Variants in SUGT1 observed in about 807,000 individuals in gnomAD.
SUGT1 encodes SGT1 assembly cochaperone of MIS12 kinetochore complex.
A neutral mutation model predicts 56.1 loss-of-function variants in SUGT1; 15 were observed. The observed-to-expected ratio is 0.27, with a 90% confidence interval of 0.18 to 0.41. The LOEUF (loss-of-function observed/expected upper bound fraction) is 0.41, where lower values mean the gene tolerates loss of function less well. Among genes scored for constraint, SUGT1 ranks in the 10% least tolerant of loss-of-function variants. The pLI is 1.00. For synonymous variants in SUGT1, 123 were observed against 128.6 expected (o/e 0.96, Z 0.30); for missense variants, 347 against 382.2 (o/e 0.91, Z 0.77).
intron 10 of SUGT1, among the ~76,000 whole-genome samples, chr13:52,669,352 A>C (rs1020810614): frequency 1.3e-5 from 2 of 152,200 alleles, no homozygotes; most frequent in African/African-American, 4.8e-5. Context: ...TATTTGCTAA[A>C]CTTGGCAGCC....
chr13:52,652,998 C>T (rs934702534), intron 1 of SUGT1, 40 bp downstream of exon 1: 2 of 1,614,198 alleles, frequency 1.2e-6, no homozygotes, highest in African/African-American at 1.3e-5. Flanking sequence ...ATTTTATCCC[C>T]CTTTCCTTGG....
At chr13:52,659,822 T>A (rs1185071916) in intron 5 of SUGT1, among the ~76,000 whole-genome samples, 113 of 35,662 alleles carry the variant, frequency 3.2e-3, no homozygotes, top group East Asian at 0.01. Flanking sequence ...ATATTTTTTT[T>A]TTTTTTTTTT....
intron 10 of SUGT1, among the ~76,000 whole-genome samples, chr13:52,670,568 A>G (rs1962890329): frequency 6.6e-6 from 1 of 152,198 alleles, no homozygotes; most frequent in Non-Finnish European, 1.5e-5. Flanking sequence ...ACACTTTGGT[A>G]GGCCAAGGCG....
Position 52,692,514 on chromosome 13 carries a change from A to G in SUGT1, c.*4679A>G, listed in dbSNP as rs1319020400. 2 of 151,470 alleles carry G rather than the reference A, an allele frequency of 1.3e-5. No individual in the cohort carries two copies. Among genetic ancestry groups the G allele is most frequent in the Admixed American group, 6.6e-5 (1 of 15,154 alleles). The allele number at this position is 151,470 out of a possible 1,614,324, so 9.4% of individuals were successfully genotyped here. On this transcript the variant is annotated 3_prime_UTR_variant, in exon 13 of 13. Coordinates refer to ENST00000310528, the MANE Select transcript of SUGT1 (RefSeq NM_006704.5). ...CAACCTCCACCTCCCAGGTTCAAGT[A>G]ATTCTTCTGCCTCAGCCTCCTGAGT...
At chr13:52,676,119 CTG>C (rs1354837835) in intron 10 of SUGT1, 109 bp from the exon 11 acceptor site, 1 of 690,524 alleles carries the variant, frequency 1.4e-6, no homozygotes, top group African/African-American at 1.8e-5. Context: ...TTTAAGGAAA[CTG>C]TCAAAGATAC....
intron 5 of SUGT1, among the ~76,000 whole-genome samples, chr13:52,660,100 A>G (rs986429688): frequency 6.6e-6 from 1 of 151,786 alleles, no homozygotes; most frequent in Admixed American, 6.6e-5. Flanking sequence ...AAGTGCTGGG[A>G]TTACAGGCAT....
intron 10 of SUGT1, among the ~76,000 whole-genome samples, chr13:52,667,828 A>G (rs1043668127): frequency 2.0e-5 from 3 of 152,206 alleles, no homozygotes; most frequent in East Asian, 1.9e-4. Context: ...CAAAATGACT[A>G]TAAGACTGAA....
At position 52,697,934 on chromosome 13, in the gene SUGT1, T is replaced by C. The variant is rs1030916419; in HGVS notation, c.*10099T>C. On this transcript the variant is annotated 3_prime_UTR_variant, in exon 13 of 13. Transcript: ENST00000310528. ...GCCCTCAGCCTGAATACTCAACTTA[T>C]GTCTGCCGTTTATTCCTTAACACAT... The C allele has an allele frequency of 2.0e-5, 3 of 152,238 alleles. No homozygotes were observed. Among genetic ancestry groups the C allele is most frequent in the Admixed American group, 6.5e-5 (1 of 15,290 alleles). 9.4% of individuals were successfully genotyped at this position (152,238 alleles called of 1,614,324 possible). A position where few individuals can be genotyped will look rare whatever the true frequency, so the allele number is the denominator to read the frequency against.
In SUGT1 at chr13:52,690,497, C is replaced by G. The variant is rs1387121700; in HGVS notation, c.*2662C>G. ...GTTTCCTTTCCCTTTTAAGGTTAGT[C>G]CTGGAATACATGTTTTTCTTGGTCT... On this transcript the variant is annotated 3_prime_UTR_variant, in exon 13 of 13. Coordinates refer to ENST00000310528, the MANE Select transcript of SUGT1 (RefSeq NM_006704.5). 6.6e-6 allele frequency: 1 copy of G among 152,102 alleles called. No individual in the cohort carries two copies. The highest frequency in any genetic ancestry group is 6.5e-5 in the Admixed American group (1 of 15,272). The allele number at this position is 152,102 out of a possible 1,614,324, so 9.4% of individuals were successfully genotyped here.
intron 4 of SUGT1, 120 bp downstream of exon 4, chr13:52,658,588 C>T (rs1962275908): frequency 1.2e-6 from 1 of 849,652 alleles, no homozygotes; most frequent in African/African-American, 1.7e-5. Context: ...CATTATATAG[C>T]AGAGATATGA....
intron 11 of SUGT1, among the ~76,000 whole-genome samples, chr13:52,677,778 A>G (rs1244080568): frequency 1.6e-4 from 2 of 12,498 alleles, no homozygotes; most frequent in East Asian, 0.012. Context: ...CTTTGCCGAC[A>G]TGAGTATCTA....
chr13:52,692,112 A>T lies in SUGT1; in HGVS notation c.*4277A>T, dbSNP rs1963797483. On this transcript the variant is annotated 3_prime_UTR_variant, in exon 13 of 13. Transcript: ENST00000310528. ...CAAATAGTGGTAGTTACTGTGTACT[A>T]GCATTTCTTATGGATTGGGTGGCAT... 1 of 152,220 alleles carries T rather than the reference A, an allele frequency of 6.6e-6. No homozygotes were observed. Among genetic ancestry groups the T allele is most frequent in the East Asian group, 1.9e-4 (1 of 5,190 alleles). 9.4% of individuals were successfully genotyped at this position (152,220 alleles called of 1,614,324 possible). A position where few individuals can be genotyped will look rare whatever the true frequency, so the allele number is the denominator to read the frequency against.
chr13:52,693,497 A>G lies in SUGT1; in HGVS notation c.*5662A>G, dbSNP rs149280669. The G allele has an allele frequency of 1.3e-5, 2 of 152,342 alleles. No individual in the cohort carries two copies. Among genetic ancestry groups the G allele is most frequent in the African/African-American group, 4.8e-5 (2 of 41,584 alleles). 9.4% of individuals were successfully genotyped at this position (152,342 alleles called of 1,614,324 possible). On this transcript the variant is annotated 3_prime_UTR_variant, in exon 13 of 13. Transcript: ENST00000310528. ...ACAGTATTGCATAGTGGTTAAATGC[A>G]TGGACTCTGAAGCCATCCTGTTTGG...
rs1287870009 is a variant in SUGT1 at position 52,666,975 on chromosome 13, G to A, written c.627+56G>A. 16 of 1,187,868 alleles carry A rather than the reference G, an allele frequency of 1.3e-5. No individual in the cohort carries two copies. The East Asian group carries it at 3.3e-4, about 25-fold the overall frequency. The allele number at this position is 1,187,868 out of a possible 1,614,324, so 73.6% of individuals were successfully genotyped here. A position where few individuals can be genotyped will look rare whatever the true frequency, so the allele number is the denominator to read the frequency against. On this transcript the variant is annotated intron_variant, in intron 10 of 12. Coordinates refer to ENST00000310528, the MANE Select transcript of SUGT1 (RefSeq NM_006704.5). ...ATATTTTCAAAATTATAGAAATACT[G>A]GTGAACTAATCACCCATGTGTTTAT...
intron 5 of SUGT1, among the ~76,000 whole-genome samples, chr13:52,660,824 C>T (rs897357178): frequency 2.0e-5 from 3 of 151,858 alleles, no homozygotes; most frequent in Admixed American, 6.6e-5. Context: ...CTTTTTTTAG[C>T]GAGAGAAGGT....
rs769456002 is a variant in SUGT1 at position 52,698,815 on chromosome 13, A to G, written c.*10980A>G. ...ATTGGGCAGCTATTTTGTATGATAT[A>G]TAGGGTAGTGGTTCTTAAGCTTATT... On this transcript the variant is annotated 3_prime_UTR_variant, in exon 13 of 13. Transcript: ENST00000310528. The G allele has an allele frequency of 2.6e-5, 4 of 152,196 alleles. No individual in the cohort carries two copies. Among genetic ancestry groups the G allele is most frequent in the African/African-American group, 9.6e-5 (4 of 41,456 alleles). 9.4% of individuals were successfully genotyped at this position (152,196 alleles called of 1,614,324 possible).
At position 52,680,028 on chromosome 13, in the gene SUGT1, TG is replaced by T. The variant is rs1411240176; in HGVS notation, c.775del (p.Val259LeufsTer19). 1 of 1,602,956 alleles carries T rather than the reference TG, an allele frequency of 6.2e-7. No individual in the cohort carries two copies. The highest frequency in any genetic ancestry group is 8.5e-7 in the Non-Finnish European group (1 of 1,177,130). ...SSPYTRNWDK[L>X]VGEIKEEEKN... Reference sequence around the variant, plus strand: ...CCTTATACAAGAAATTGGGATAAATTGGTTGGTGAGATCAAAGAAGAAGAAA... The same window carrying T: ...CCTTATACAAGAAATTGGGATAAATTGTTGGTGAGATCAAAGAAGAAGAAA... On this transcript the variant is annotated frameshift_variant, in exon 12 of 13. Coordinates refer to ENST00000310528, the MANE Select transcript of SUGT1 (RefSeq NM_006704.5). LOFTEE classifies it high-confidence loss of function.
intron 10 of SUGT1, among the ~76,000 whole-genome samples, chr13:52,667,411 C>G (rs111574332): frequency 0.036 from 5,448 of 152,122 alleles, 127 homozygotes; most frequent in South Asian, 0.064. Context: ...GTGGCGTGAT[C>G]TCGGCTCACT....
At position 52,680,287 on chromosome 13, in the gene SUGT1, G is replaced by A. The variant is rs182821107; in HGVS notation, c.900+132G>A. 2,175 of 756,584 alleles carry A rather than the reference G, an allele frequency of 2.9e-3. 5 individuals are homozygous for A. Among genetic ancestry groups the A allele is most frequent in the South Asian group, 6.1e-3 (237 of 38,650 alleles). The allele number at this position is 756,584 out of a possible 1,614,324, so 46.9% of individuals were successfully genotyped here. Reference sequence around the variant, plus strand: ...CTTTTTGAATAAGGTCTGTCTGAACGTTTCTTTTTGCTCTAAGAGTAATTT... The same window carrying A: ...CTTTTTGAATAAGGTCTGTCTGAACATTTCTTTTTGCTCTAAGAGTAATTT... On this transcript the variant is annotated intron_variant, in intron 12 of 12. Transcript: ENST00000310528.
Sources: gnomAD v4.1 joint callset for allele counts (sites outside exome capture counted in the v4.1 genomes callset) on GRCh38, gnomAD v4.1.1 for gene constraint, MANE v1.5 for transcripts, NCBI Gene and HGNC (gene_info 2026-07-23, HGNC 2026-07-21) for gene names.